The following PIEZO2 variants were observed in gnomAD, a reference collection of about 807,000 sequenced individuals.
PIEZO2 encodes piezo-type mechanosensitive ion channel component 2.
In PIEZO2, 172 loss-of-function variants were observed where a neutral mutation model predicts 337.3. That is an observed-to-expected ratio of 0.51 (90% confidence interval 0.45 to 0.58). The LOEUF is 0.58. Among genes scored for constraint, PIEZO2 ranks in the 20% least tolerant of loss-of-function variants. The pLI, the probability that PIEZO2 is intolerant of heterozygous loss-of-function variation, is 0.00. For missense variants in PIEZO2, 3,028 were observed against 3,391.3 expected (o/e 0.89, Z 2.66); for synonymous variants, 1,251 against 1,228.5 (o/e 1.02, Z -0.38).
At chr18:11,037,046 A>G (rs2036948070) in intron 2 of PIEZO2, among the ~76,000 whole-genome samples, 1 of 151,938 alleles carries the variant, frequency 6.6e-6, no homozygotes, top group Non-Finnish European at 1.5e-5. Flanking sequence ...GCTCACTGCA[A>G]CCTCCACCTC....
At chr18:11,037,020 C>T (rs1302068543) in intron 2 of PIEZO2, among the ~76,000 whole-genome samples, 2 of 152,094 alleles carry the variant, frequency 1.3e-5, no homozygotes, top group African/African-American at 4.8e-5. Context: ...GGTTGGAGTG[C>T]AATGGCACGA....
At chr18:11,089,750 AG>A (rs1384416900) in intron 1 of PIEZO2, among the ~76,000 whole-genome samples, 27 of 152,334 alleles carry the variant, frequency 1.8e-4, no homozygotes, top group African/African-American at 6.0e-4. Context: ...AGGGGTCCTC[AG>A]GAGGAAAAGG....
At chr18:10,776,221 G>A (rs2038780601) in intron 18 of PIEZO2, among the ~76,000 whole-genome samples, 1 of 152,156 alleles carries the variant, frequency 6.6e-6, no homozygotes, top group African/African-American at 2.4e-5. Flanking sequence ...CTAGCTAGGT[G>A]AGATGGGAAA....
intron 3 of PIEZO2, among the ~76,000 whole-genome samples, chr18:10,930,333 C>A (rs1296827107): frequency 6.6e-6 from 1 of 152,206 alleles, no homozygotes; most frequent in Admixed American, 6.5e-5. Flanking sequence ...ACAACTCCCA[C>A]CCTCTTACCT....
chr18:10,977,775 C>T (rs2034501397), intron 3 of PIEZO2, among the ~76,000 whole-genome samples: 2 of 152,134 alleles, frequency 1.3e-5, no homozygotes, highest in African/African-American at 4.8e-5. Context: ...ACAACATTGA[C>T]AAATCTTGAA....
chr18:10,737,285 G>GAAAAAAAAAAC (rs1555634848), intron 33 of PIEZO2, among the ~76,000 whole-genome samples: 1,558 of 64,158 alleles, frequency 0.024, 9 homozygotes, highest in African/African-American at 0.048. Flanking sequence ...CAAGACATTT[G>GAAAAAAAAAAC]AAAAAAAAAA....
rs1215908447 is a variant in PIEZO2, at chr18:10,878,031, CCT to C, written c.330-6618_330-6617del. On this transcript the variant is annotated intron_variant, in intron 4 of 55. Coordinates refer to ENST00000674853, the MANE Select transcript of PIEZO2 (RefSeq NM_001378183.1). This position sits in a 1 kb window ranked among gnomAD's most constrained non-coding sequence, Gnocchi z 4.3. The stretch of plus-strand genomic sequence containing the variant: ...CTCTAAAAACACACCTGCCATGTCT[CCT>C]CTGTGAAGCCCTTCCTACCTTGCCC... Among the ~76,000 whole-genome samples the C allele has an allele frequency of 6.6e-6, 1 of 152,158 alleles. No homozygotes were observed. The highest frequency in any genetic ancestry group is 2.4e-5 in the African/African-American group (1 of 41,434).
chr18:11,139,096 T>C (rs2040568017), intron 1 of PIEZO2, among the ~76,000 whole-genome samples: 1 of 152,232 alleles, frequency 6.6e-6, no homozygotes, highest in Non-Finnish European at 1.5e-5. Flanking sequence ...ATTTATTGAG[T>C]ATTTACCGTA....
chr18:10,802,102 A>G (rs919564071), intron 9 of PIEZO2, among the ~76,000 whole-genome samples: 1 of 150,894 alleles, frequency 6.6e-6, no homozygotes, highest in African/African-American at 2.4e-5. Flanking sequence ...AAAAAAAAAA[A>G]AAAAGAAAGA....
intron 2 of PIEZO2, among the ~76,000 whole-genome samples, chr18:11,041,792 C>T (rs1005072946): frequency 2.0e-5 from 3 of 152,206 alleles, no homozygotes; most frequent in Non-Finnish European, 4.4e-5. Flanking sequence ...AAGGAACCTA[C>T]TTACTACCTC....
intron 3 of PIEZO2, among the ~76,000 whole-genome samples, chr18:10,959,444 A>G (rs1218385040): frequency 6.6e-6 from 1 of 152,218 alleles, no homozygotes; most frequent in Non-Finnish European, 1.5e-5. Flanking sequence ...GTTCATTAAT[A>G]ATACATCAAA....
chr18:11,092,435 T>C lies in PIEZO2; in HGVS notation c.65-26213A>G, dbSNP rs11080489. Among the ~76,000 whole-genome samples, 22,885 of 152,192 alleles carry C rather than the reference T, an allele frequency of 0.15. 2,194 individuals are homozygous for C. The highest frequency in any genetic ancestry group is 0.42 in the East Asian group (2,172 of 5,168). ...TCTCATATTTGTTTGAAAAAAGCTA[T>C]AGTAAGAAGACATAACAGCAGTAAT... On this transcript the variant is annotated intron_variant, in intron 1 of 55. Transcript: ENST00000674853. The surrounding 1 kb of genome is among the most constrained non-coding windows in gnomAD (Gnocchi z 4.5).
chr18:10,987,364 C>G (rs968079616), intron 2 of PIEZO2, among the ~76,000 whole-genome samples: 1 of 151,990 alleles, frequency 6.6e-6, no homozygotes, highest in Non-Finnish European at 1.5e-5. Flanking sequence ...AACAGACACA[C>G]AGAAAAATGG....
chr18:11,039,992 T>C, intron 2 of PIEZO2, among the ~76,000 whole-genome samples: 1 of 152,084 alleles, frequency 6.6e-6, no homozygotes. Flanking sequence ...GGAACAGCCT[T>C]GGATAAACTG....
chr18:11,009,298 G>A lies in PIEZO2; in HGVS notation c.161-29638C>T, dbSNP rs1011516278. Among the ~76,000 whole-genome samples the A allele has an allele frequency of 3.9e-5, 6 of 152,218 alleles. No individual in the cohort carries two copies. Among genetic ancestry groups the A allele is most frequent in the Non-Finnish European group, 5.9e-5 (4 of 68,042 alleles). ...GCCCTGATGTGCATTGAAGCCCCTT[G>A]GGAATCTTTAAGAATAGGATGGATG... On this transcript the variant is annotated intron_variant, in intron 2 of 55. Coordinates refer to ENST00000674853, the MANE Select transcript of PIEZO2 (RefSeq NM_001378183.1). The surrounding 1 kb of genome is among the most constrained non-coding windows in gnomAD (Gnocchi z 4.6).
rs1233590629 is a variant in PIEZO2, at chr18:10,954,166, T to G, written c.286+25369A>C. ...TTCAAAATTACTTTGGCTATTGTAGTTTTTTTTCCATATATATTTTAGAGT... is the reference window on the plus strand; with the variant it reads ...TTCAAAATTACTTTGGCTATTGTAGGTTTTTTTCCATATATATTTTAGAGT... On this transcript the variant is annotated intron_variant, in intron 3 of 55. Transcript: ENST00000674853. This position sits in a 1 kb window ranked among gnomAD's most constrained non-coding sequence, Gnocchi z 4.2. 6.6e-6 allele frequency among the ~76,000 whole-genome samples: 1 copy of G among 152,114 alleles called. No individual in the cohort carries two copies. Among genetic ancestry groups the G allele is most frequent in the Non-Finnish European group, 1.5e-5 (1 of 68,002 alleles).
At position 11,094,118 on chromosome 18, in the gene PIEZO2, A is replaced by G. The variant is rs2039189810; in HGVS notation, c.65-27896T>C. Among the ~76,000 whole-genome samples, 1 of 152,110 alleles carries G rather than the reference A, an allele frequency of 6.6e-6. No individual in the cohort carries two copies. Among genetic ancestry groups the G allele is most frequent in the African/African-American group, 2.4e-5 (1 of 41,432 alleles). On this transcript the variant is annotated intron_variant, in intron 1 of 55. Coordinates refer to ENST00000674853, the MANE Select transcript of PIEZO2 (RefSeq NM_001378183.1). The surrounding 1 kb of genome is among the most constrained non-coding windows in gnomAD (Gnocchi z 4.4). ...TTCAGCCTCCCAAGTAGCTGGGATTACAGGTGCTCATCACCACGCCCAGCT... is the reference window on the plus strand; with the variant it reads ...TTCAGCCTCCCAAGTAGCTGGGATTGCAGGTGCTCATCACCACGCCCAGCT...
At chr18:10,797,715 TAGC>T in intron 11 of PIEZO2, among the ~76,000 whole-genome samples, 193 bp from the exon 12 acceptor site, 1 of 152,204 alleles carries the variant, frequency 6.6e-6, no homozygotes, top group Non-Finnish European at 1.5e-5. Context: ...TAATGGGATC[TAGC>T]ATGTGATAAT....
Position 10,834,011 on chromosome 18 carries a change from C to G in PIEZO2, c.917+21342G>C, listed in dbSNP as rs2040929477. Among the ~76,000 whole-genome samples the G allele has an allele frequency of 3.9e-5, 6 of 152,286 alleles. No homozygotes were observed. The South Asian group carries it at 1.2e-3, about 32-fold the overall frequency. On this transcript the variant is annotated intron_variant, in intron 7 of 55. Coordinates refer to ENST00000674853, the MANE Select transcript of PIEZO2 (RefSeq NM_001378183.1). This position sits in a 1 kb window ranked among gnomAD's most constrained non-coding sequence, Gnocchi z 4.5. ...GAATTAGAGTTTTAAACATTTTAAG[C>G]TAATTTCTGTTTTTATTTTTTATGG...
Sources: allele counts gnomAD v4.1 joint callset (sites outside exome capture counted in the v4.1 genomes callset), GRCh38; gene constraint gnomAD v4.1.1; non-coding constraint Gnocchi (gnomAD v3.1); transcripts MANE v1.5; gene names NCBI Gene and HGNC (gene_info 2026-07-23, HGNC 2026-07-21).